The following DST variants were observed in gnomAD, a reference collection of about 807,000 sequenced individuals.
DST encodes dystonin, also known as bullous pemphigoid antigen.
In DST, 253 loss-of-function variants were observed where a neutral mutation model predicts 875.2. The ratio of observed to expected loss-of-function variants is 0.29; its 90% CI spans 0.26 to 0.32. The LOEUF (loss-of-function observed/expected upper bound fraction) is 0.32, where lower values mean the gene tolerates loss of function less well. Among genes scored for constraint, DST ranks in the 10% least tolerant of loss-of-function variants. DST has a pLI of 1.00. For synonymous variants in DST, 3,124 were observed against 3,197.1 expected (o/e 0.98, Z 0.77); for missense variants, 8,287 against 9,111.6 (o/e 0.91, Z 3.68).
rs546321130 is a variant in DST, at chr6:56,701,835, G to A, written c.954+53C>T. 1.0e-4 allele frequency: 110 copies of A among 1,097,196 alleles called. 3 individuals carry two copies. In the South Asian group the frequency reaches 1.5e-3, roughly 14 times the overall value. The allele number at this position is 1,097,196 out of a possible 1,614,324, so 68.0% of individuals were successfully genotyped here. A position where few individuals can be genotyped will look rare whatever the true frequency, so the allele number is the denominator to read the frequency against. On this transcript the variant is annotated intron_variant, in intron 8 of 103. Coordinates refer to ENST00000680361, the MANE Select transcript of DST (RefSeq NM_001374736.1). The stretch of plus-strand genomic sequence containing the variant: ...TCATTCCTTGACATGTTTCTACGTG[G>A]ATGTATTAGTAACATATATTTATAT...
chr6:56,546,090 T>A, intron 61 of DST, among the ~76,000 whole-genome samples: 1 of 151,908 alleles, frequency 6.6e-6, no homozygotes, highest in East Asian at 1.9e-4. Context: ...GAAAGTAGAA[T>A]ATTCTCATCC....
chr6:56,632,862 G>A lies in DST; in HGVS notation c.3797C>T (p.Ala1266Val). The A allele has an allele frequency of 6.2e-7, 1 of 1,613,356 alleles. No homozygotes were observed. Among genetic ancestry groups the A allele is most frequent in the Non-Finnish European group, 8.5e-7 (1 of 1,179,620 alleles). Residue 1266 changes from alanine to valine, a missense_variant, in exon 28 of 104, where the codon GCA becomes GTA. By Grantham distance (64) the Ala-to-Val change is moderately conservative (BLOSUM62 0). Transcript: ENST00000680361. ...GGATCCCCATGCTTTACCTCTTTCT[G>A]CAGATTTAAGAAGTTCTTGATAATA... ...KQYYQELLKS[A>V]EREEQEESVY...
chr6:56,609,816 T>C (rs1267761556), intron 39 of DST, among the ~76,000 whole-genome samples: 1 of 152,132 alleles, frequency 6.6e-6, no homozygotes, highest in Non-Finnish European at 1.5e-5. Context: ...AATTGTTACA[T>C]ACCCCCAAAA....
At chr6:56,806,314 G>A (rs751830864) in intron 4 of DST, among the ~76,000 whole-genome samples, 1 of 152,160 alleles carries the variant, frequency 6.6e-6, no homozygotes, top group Non-Finnish European at 1.5e-5. Flanking sequence ...TAGTGAGCTA[G>A]CCCCAAACTC....
chr6:56,463,423 C>T (rs1306690030), intron 101 of DST, 142 bp downstream of exon 101: 2 of 838,236 alleles, frequency 2.4e-6, no homozygotes, highest in Non-Finnish European at 3.5e-6. Context: ...AAAAAAAATT[C>T]CTGTATTTCC....
At chr6:56,916,987 T>TAA (rs1161421788) in intron 2 of DST, among the ~76,000 whole-genome samples, 496 of 35,524 alleles carry the variant, frequency 0.014, 67 homozygotes, top group African/African-American at 0.038. Flanking sequence ...CCAGGCATGC[T>TAA]AAAAAAAAAA....
At chr6:56,527,441 A>C (rs971813348) in intron 68 of DST, 52 bp downstream of exon 68, 9 of 1,579,730 alleles carry the variant, frequency 5.7e-6, no homozygotes, top group Non-Finnish European at 7.7e-6. Flanking sequence ...TGTGTGAATA[A>C]GACTGCCTAA....
At chr6:56,483,527 C>CTTTGTTTTTTTTTTTTTTT (rs2095467535) in intron 88 of DST, 1 of 60,042 alleles carries the variant, frequency 1.7e-5, no homozygotes, top group African/African-American at 7.6e-5. Context: ...TCTGGGTTTG[C>CTTTGTTTTTTTTTTTTTTT]TTTTTTTTTT....
chr6:56,921,772 T>A (rs1348719486), intron 2 of DST, among the ~76,000 whole-genome samples: 2 of 152,244 alleles, frequency 1.3e-5, no homozygotes, highest in South Asian at 4.1e-4. Context: ...CAATCAAAAC[T>A]GTGAAGACTA....
rs886592772 is a variant in DST, at chr6:56,464,507, C to T, written c.22759+178G>A. On this transcript the variant is annotated intron_variant, in intron 100 of 103. Transcript: ENST00000680361. ...ACTTATAACACCTGCATGTGTAACA[C>T]AACCAAAGTCATCAAATTTTCAGAA... The T allele has an allele frequency of 6.6e-6, 4 of 608,314 alleles. No homozygotes were observed. The East Asian group carries it at 8.3e-5, about 13-fold the overall frequency. 37.7% of individuals were successfully genotyped at this position (608,314 alleles called of 1,614,324 possible).
In DST at chr6:56,639,297, GCTGCT is replaced by G; in HGVS notation, c.2921_2925del (p.Glu974AlafsTer13). 1 of 1,613,800 alleles carries G rather than the reference GCTGCT, an allele frequency of 6.2e-7. No individual in the cohort carries two copies. The highest frequency in any genetic ancestry group is 8.5e-7 in the Non-Finnish European group (1 of 1,179,826). On this transcript the variant is annotated frameshift_variant, in exon 22 of 104. Coordinates refer to ENST00000680361, the MANE Select transcript of DST (RefSeq NM_001374736.1). LOFTEE classifies it high-confidence loss of function. ...CGGGCTGGATGATTTTCTAGAAGTA[GCTGCT>G]CTGCTATCTCCTGAACTGATTTAAT...
chr6:56,722,011 T>C (rs1053448183), intron 5 of DST, among the ~76,000 whole-genome samples: 3 of 152,324 alleles, frequency 2.0e-5, no homozygotes, highest in Admixed American at 1.3e-4. Flanking sequence ...TTATGAACAA[T>C]GAATTTTAGA....
intron 4 of DST, among the ~76,000 whole-genome samples, chr6:56,801,641 T>A (rs543212375): frequency 4.3e-4 from 65 of 152,020 alleles, no homozygotes; most frequent in African/African-American, 1.6e-3. Context: ...GACTTACATA[T>A]AATGTTTGAG....
At chr6:56,730,098 T>C (rs2099491285) in intron 5 of DST, among the ~76,000 whole-genome samples, 1 of 152,218 alleles carries the variant, frequency 6.6e-6, no homozygotes, top group Non-Finnish European at 1.5e-5. Context: ...GGAATAAATT[T>C]AAAATATAGC....
chr6:56,782,459 C>T (rs2099696064), intron 4 of DST, among the ~76,000 whole-genome samples: 5 of 148,212 alleles, frequency 3.4e-5, no homozygotes, highest in Admixed American at 6.7e-5. Context: ...TGGGAGAGTG[C>T]ATGTGTTGAG....
intron 5 of DST, among the ~76,000 whole-genome samples, chr6:56,705,242 G>A (rs2099328706): frequency 6.6e-6 from 1 of 152,220 alleles, no homozygotes; most frequent in Admixed American, 6.5e-5. Flanking sequence ...GCCTTTCAGT[G>A]ATTCTGGGCT....
At chr6:56,856,347 T>G (rs921796978) in intron 3 of DST, among the ~76,000 whole-genome samples, 3 of 152,180 alleles carry the variant, frequency 2.0e-5, no homozygotes, top group Non-Finnish European at 4.4e-5. Context: ...CGGAGAAAAG[T>G]GCAGAGACAA....
intron 2 of DST, among the ~76,000 whole-genome samples, chr6:56,935,222 G>A (rs1812403730): frequency 6.6e-6 from 1 of 151,968 alleles, no homozygotes; most frequent in Non-Finnish European, 1.5e-5. Flanking sequence ...CAGACATACA[G>A]CTAGGTAATC....
rs942284590 is a variant in DST, at chr6:56,885,921, G to A, written c.417+14500C>T. Among the ~76,000 whole-genome samples the A allele has an allele frequency of 2.6e-5, 4 of 152,188 alleles. No homozygotes were observed. The South Asian group carries it at 8.3e-4, about 32-fold the overall frequency. On this transcript the variant is annotated intron_variant, in intron 3 of 103. Coordinates refer to ENST00000680361, the MANE Select transcript of DST (RefSeq NM_001374736.1). The stretch of plus-strand genomic sequence containing the variant: ...AGTAATACTGAGCTGCATGTAGCAA[G>A]GGTCAATGTAGATTAGCCAGTGGTA...
Sources: allele counts gnomAD v4.1 joint callset (sites outside exome capture counted in the v4.1 genomes callset), GRCh38; gene constraint gnomAD v4.1.1; transcripts MANE v1.5; gene names NCBI Gene and HGNC (gene_info 2026-07-23, HGNC 2026-07-21).